LRP1B: variants seen among roughly 807,000 people sequenced by gnomAD.
LRP1B encodes the protein LDL receptor related protein 1B.
A neutral mutation model predicts 556.6 loss-of-function variants in LRP1B; 217 were observed. That is an observed-to-expected ratio of 0.39 (90% CI 0.35 to 0.44). LRP1B has a LOEUF of 0.44. Among genes scored for constraint, LRP1B ranks in the 20% least tolerant of loss-of-function variants. LRP1B has a pLI of 1.00. For synonymous variants in LRP1B, 2,047 were observed against 1,865.8 expected (o/e 1.10, Z -2.50); for missense variants, 5,053 against 5,620.8 (o/e 0.90, Z 3.23).
intron 41 of LRP1B, among the ~76,000 whole-genome samples, chr2:140,690,089 G>A (rs1182073485): frequency 6.6e-6 from 1 of 151,544 alleles, no homozygotes; most frequent in Admixed American, 6.6e-5. Flanking sequence ...AAGAATATCA[G>A]AGCATAAATT....
intron 20 of LRP1B, among the ~76,000 whole-genome samples, chr2:140,944,010 G>A (rs1695473643): frequency 6.6e-6 from 1 of 151,852 alleles, no homozygotes; most frequent in African/African-American, 2.4e-5. Context: ...GAATAAACAA[G>A]ATCAATAGGC....
chr2:141,177,103 T>G (rs1680770342), intron 7 of LRP1B, among the ~76,000 whole-genome samples: 1 of 152,100 alleles, frequency 6.6e-6, no homozygotes, highest in African/African-American at 2.4e-5. Context: ...ACCACTGAGC[T>G]GAATTATTAT....
At chr2:141,744,759 ATTG>A (rs1392714545) in intron 2 of LRP1B, among the ~76,000 whole-genome samples, 1 of 152,032 alleles carries the variant, frequency 6.6e-6, no homozygotes, top group Admixed American at 6.5e-5. Flanking sequence ...GTGCATGTTC[ATTG>A]TTGTTTGGGC....
At chr2:142,114,208 A>G (rs1470116908) in intron 1 of LRP1B, among the ~76,000 whole-genome samples, 1 of 152,130 alleles carries the variant, frequency 6.6e-6, no homozygotes, top group African/African-American at 2.4e-5. Flanking sequence ...GATTTCCCTA[A>G]AAATGATCAA....
At position 140,989,557 on chromosome 2, in the gene LRP1B, T is replaced by G; in HGVS notation, c.2745A>C (p.Glu915Asp). The G allele has an allele frequency of 6.2e-7, 1 of 1,613,296 alleles. No individual in the cohort carries two copies. Among genetic ancestry groups the G allele is most frequent in the Non-Finnish European group, 8.5e-7 (1 of 1,179,430 alleles). ...CDGANDCGSNEDESNQTCTAR... is the reference protein window; with the variant it reads ...CDGANDCGSNDDESNQTCTAR... Reference sequence around the variant, plus strand: ...CTGTGCAAGTTTGATTGGATTCATCTTCATTGCTCCCACAGTCATTAGCTC... The same window carrying G: ...CTGTGCAAGTTTGATTGGATTCATCGTCATTGCTCCCACAGTCATTAGCTC... Residue 915 changes from glutamate to aspartate, a missense_variant, in exon 17 of 91, where the codon GAA (glutamate) becomes GAC (aspartate). Physicochemically the swap from Glu to Asp is conservative, Grantham distance 45 (BLOSUM62 2). Coordinates refer to ENST00000389484, the MANE Select transcript of LRP1B (RefSeq NM_018557.3).
At chr2:140,551,516 A>G (rs1680547674) in intron 43 of LRP1B, among the ~76,000 whole-genome samples, 1 of 152,186 alleles carries the variant, frequency 6.6e-6, no homozygotes, top group African/African-American at 2.4e-5. Flanking sequence ...GGGCTAATAT[A>G]TAACACATTC....
intron 15 of LRP1B, among the ~76,000 whole-genome samples, chr2:140,999,612 T>G (rs1015080723): frequency 1.3e-5 from 2 of 152,104 alleles, no homozygotes; most frequent in African/African-American, 4.8e-5. Flanking sequence ...ATAAATACTC[T>G]TCTCTTTCTG....
At chr2:141,900,193 T>C (rs1699575939) in intron 1 of LRP1B, among the ~76,000 whole-genome samples, 1 of 152,104 alleles carries the variant, frequency 6.6e-6, no homozygotes, top group Non-Finnish European at 1.5e-5. Flanking sequence ...TAAGAATAAG[T>C]AGCCAGTATG....
intron 3 of LRP1B, among the ~76,000 whole-genome samples, chr2:141,300,577 G>A (rs1244055820): frequency 6.6e-6 from 1 of 152,124 alleles, no homozygotes; most frequent in Non-Finnish European, 1.5e-5. Flanking sequence ...TATATCATTG[G>A]GGTGGTTTCT....
In LRP1B at chr2:141,446,508, T is replaced by C. The variant is rs951378218; in HGVS notation, c.343+33888A>G. ...TGATGCAGTTTCTTCATAGAGTCAA[T>C]GGACTTTACAATTTGGTATGTTTTT... On this transcript the variant is annotated intron_variant, in intron 3 of 90. Coordinates refer to ENST00000389484, the MANE Select transcript of LRP1B (RefSeq NM_018557.3). 7.9e-5 allele frequency among the ~76,000 whole-genome samples: 12 copies of C among 152,212 alleles called. No homozygotes were observed. The East Asian group carries it at 1.3e-3, about 17-fold the overall frequency.
intron 43 of LRP1B, among the ~76,000 whole-genome samples, chr2:140,556,215 G>A (rs1680726503): frequency 6.6e-6 from 1 of 151,968 alleles, no homozygotes; most frequent in Admixed American, 6.6e-5. Context: ...CCTGAAACAA[G>A]CCATAAATGA....
At chr2:140,522,109 C>T (rs1315088758) in intron 49 of LRP1B, among the ~76,000 whole-genome samples, 2 of 151,980 alleles carry the variant, frequency 1.3e-5, no homozygotes, top group African/African-American at 2.4e-5. Context: ...CCACAAAACA[C>T]TCCAGACTAC....
At chr2:142,006,834 A>G (rs1220942453) in intron 1 of LRP1B, among the ~76,000 whole-genome samples, 1 of 152,118 alleles carries the variant, frequency 6.6e-6, no homozygotes, top group Non-Finnish European at 1.5e-5. Flanking sequence ...ATTGAGTTCT[A>G]AAGTTGGAAA....
intron 32 of LRP1B, among the ~76,000 whole-genome samples, chr2:140,799,897 CGGACAGTGGGTGCA>C (rs1026270514): frequency 1.3e-4 from 20 of 152,148 alleles, no homozygotes; most frequent in African/African-American, 4.6e-4. Context: ...TGGGGCTTGT[CGGACAGTGGGTGCA>C]GGACAGTGGG....
intron 3 of LRP1B, among the ~76,000 whole-genome samples, chr2:141,303,367 T>C (rs868507435): frequency 4.6e-5 from 7 of 152,248 alleles, no homozygotes; most frequent in Middle Eastern, 3.4e-3. Flanking sequence ...CTGCCAAATA[T>C]TAGAACTACT....
chr2:141,722,733 G>C (rs185743740), intron 2 of LRP1B, among the ~76,000 whole-genome samples: 283 of 80,654 alleles, frequency 3.5e-3, no homozygotes, highest in Middle Eastern at 0.026. Context: ...TAGATACATA[G>C]ATAGATAGAT....
intron 66 of LRP1B, among the ~76,000 whole-genome samples, chr2:140,420,235 AG>A (rs1272805838): frequency 6.6e-6 from 1 of 152,080 alleles, no homozygotes; most frequent in African/African-American, 2.4e-5. Context: ...ATAAAAAAAA[AG>A]AATTTGAACA....
intron 3 of LRP1B, among the ~76,000 whole-genome samples, chr2:141,324,576 G>A (rs1687368524): frequency 6.6e-6 from 1 of 152,068 alleles, no homozygotes; most frequent in African/African-American, 2.4e-5. Flanking sequence ...ATGGATTTCA[G>A]TTAGGGTATT....
intron 2 of LRP1B, among the ~76,000 whole-genome samples, chr2:141,674,408 C>A (rs1234157966): frequency 6.6e-6 from 1 of 152,014 alleles, no homozygotes; most frequent in East Asian, 1.9e-4. Context: ...CATCTCTTGT[C>A]TTCTTAAGAC....
Sources: gnomAD v4.1 joint callset for allele counts (sites outside exome capture counted in the v4.1 genomes callset) on GRCh38, gnomAD v4.1.1 for gene constraint, MANE v1.5 for transcripts, NCBI Gene and HGNC (gene_info 2026-07-23, HGNC 2026-07-21) for gene names.